CPNE4: variants seen among roughly 807,000 people sequenced by gnomAD.
CPNE4 encodes the protein copine-4.
Under a neutral mutation model 67.9 loss-of-function variants are expected in CPNE4, and 25 were observed. The ratio of observed to expected loss-of-function variants is 0.37; its 90% CI spans 0.27 to 0.51. The LOEUF is 0.51. CPNE4 is among the 20% of genes least tolerant of loss of function. The pLI is 0.93. For missense variants in CPNE4, 464 were observed against 690.8 expected, an observed-to-expected ratio of 0.67 and a Z score of 3.68; for synonymous variants, 242 against 244.9, an observed-to-expected ratio of 0.99 and a Z score of 0.11.
chr3:131,648,442 A>C (rs1404756206), intron 7 of CPNE4, among the ~76,000 whole-genome samples: 6 of 152,156 alleles, frequency 3.9e-5, no homozygotes, highest in Non-Finnish European at 1.5e-5. Context: ...TCCCCATTAC[A>C]CTTTGAATGT....
At chr3:131,953,239 T>TAAAAAA (rs1167094357) in intron 1 of CPNE4, among the ~76,000 whole-genome samples, 2 of 97,126 alleles carry the variant, frequency 2.1e-5, no homozygotes, top group South Asian at 3.7e-4. Flanking sequence ...AATGATCAAT[T>TAAAAAA]AAAAAAAAAA....
rs202119937 is a variant in CPNE4 at position 131,708,957 on chromosome 3, GATATATATATATATATATATATAT to G, written c.361-9001_361-8978del. On this transcript the variant is annotated intron_variant, in intron 3 of 15. Transcript: ENST00000429747. ...AAAAATCAGTGTCTGAGGGCATAAA[GATATATATATATATATATATATAT>G]ATATATATATATATACATACACACA... 7.3e-4 allele frequency among the ~76,000 whole-genome samples: 48 copies of G among 65,840 alleles called. 1 individual carries two copies. Among genetic ancestry groups the G allele is most frequent in the Non-Finnish European group, 1.2e-3 (38 of 31,392 alleles). 43.2% of individuals were successfully genotyped at this position (65,840 alleles called of 152,430 possible). A position where few individuals can be genotyped will look rare whatever the true frequency, so the allele number is the denominator to read the frequency against.
In CPNE4 at chr3:131,609,070, A is replaced by T. The variant is rs137897907; in HGVS notation, c.682-21488T>A. ...GTATTCAGGCTAGATCTAGCTTGTTATAAACTTTATTCTATCCTTGTACTT... is the reference window on the plus strand; with the variant it reads ...GTATTCAGGCTAGATCTAGCTTGTTTTAAACTTTATTCTATCCTTGTACTT... On this transcript the variant is annotated intron_variant, in intron 7 of 15. Coordinates refer to ENST00000429747, the MANE Select transcript of CPNE4 (RefSeq NM_130808.3). Among the ~76,000 whole-genome samples, 419 of 152,244 alleles carry T rather than the reference A, an allele frequency of 2.8e-3. 4 individuals carry two copies. Among genetic ancestry groups the T allele is most frequent in the African/African-American group, 9.5e-3 (393 of 41,558 alleles).
chr3:131,951,625 C>T (rs1290190934), intron 1 of CPNE4, among the ~76,000 whole-genome samples: 3 of 152,182 alleles, frequency 2.0e-5, no homozygotes, highest in Admixed American at 6.5e-5. Flanking sequence ...AGAAGCTGGA[C>T]TGTACTGCTG....
chr3:131,639,784 T>C (rs1358128155), intron 7 of CPNE4, among the ~76,000 whole-genome samples: 2 of 151,858 alleles, frequency 1.3e-5, no homozygotes, highest in East Asian at 1.9e-4. Context: ...CCAAATCCAA[T>C]AGCATATCAA....
chr3:131,800,003 A>AT (rs1419852012), intron 2 of CPNE4, among the ~76,000 whole-genome samples: 2 of 143,304 alleles, frequency 1.4e-5, no homozygotes, highest in African/African-American at 5.2e-5. Context: ...TTTCTTTTTA[A>AT]TTTTAGATTC....
intron 14 of CPNE4, among the ~76,000 whole-genome samples, chr3:131,543,500 C>G (rs537825170): frequency 6.6e-6 from 1 of 152,044 alleles, no homozygotes; most frequent in Non-Finnish European, 1.5e-5. Context: ...AACTTAGCAT[C>G]CAAATTGACA....
chr3:131,722,066 G>A (rs2081901263), intron 3 of CPNE4, among the ~76,000 whole-genome samples: 1 of 152,142 alleles, frequency 6.6e-6, no homozygotes, highest in Non-Finnish European at 1.5e-5. Flanking sequence ...CTGGAAAAGG[G>A]GAACAGAGGA....
chr3:131,782,474 ACACACACATG>A (rs771942729), intron 2 of CPNE4, among the ~76,000 whole-genome samples: 5 of 152,034 alleles, frequency 3.3e-5, no homozygotes, highest in Non-Finnish European at 5.9e-5. Context: ...AGTAATACAC[ACACACACATG>A]CACACACATG....
chr3:131,698,686 C>T (rs564270367), intron 4 of CPNE4, among the ~76,000 whole-genome samples: 33 of 150,188 alleles, frequency 2.2e-4, no homozygotes, highest in Admixed American at 4.6e-4. Flanking sequence ...CCGAGGGGGG[C>T]GGATCACAAG....
At chr3:131,767,820 A>C (rs1369479816) in intron 2 of CPNE4, among the ~76,000 whole-genome samples, 1 of 151,762 alleles carries the variant, frequency 6.6e-6, no homozygotes, top group Non-Finnish European at 1.5e-5. Context: ...GGAAAAACAC[A>C]TTTTGAGTGT....
intron 4 of CPNE4, among the ~76,000 whole-genome samples, chr3:131,697,958 G>A (rs35617858): frequency 0.22 from 32,732 of 151,970 alleles, 4,468 homozygotes; most frequent in South Asian, 0.31. Context: ...TGGGGCCAGG[G>A]GCAGTGGCTC....
At chr3:132,019,918 T>C (rs1221107857) in intron 1 of CPNE4, among the ~76,000 whole-genome samples, 3 of 152,180 alleles carry the variant, frequency 2.0e-5, no homozygotes, top group African/African-American at 7.2e-5. Context: ...ACAGCCTGTG[T>C]CTGCTGGGAA....
chr3:131,675,959 G>GTT (rs77543552), intron 6 of CPNE4, among the ~76,000 whole-genome samples: 8 of 147,380 alleles, frequency 5.4e-5, no homozygotes, highest in East Asian at 2.0e-4. Flanking sequence ...AATTTATTGG[G>GTT]TTTTTTTTGG....
At chr3:131,586,458 G>A (rs1252886476) in intron 8 of CPNE4, among the ~76,000 whole-genome samples, 3 of 152,208 alleles carry the variant, frequency 2.0e-5, no homozygotes, top group Non-Finnish European at 2.9e-5. Context: ...AAACTGTATA[G>A]AGCATACACC....
chr3:131,811,966 A>G (rs2084545362), intron 2 of CPNE4, among the ~76,000 whole-genome samples: 1 of 152,150 alleles, frequency 6.6e-6, no homozygotes, highest in East Asian at 1.9e-4. Context: ...GAGAAGCACT[A>G]TTGCAGGGTA....
At chr3:131,787,721 C>A (rs1416729371) in intron 2 of CPNE4, among the ~76,000 whole-genome samples, 1 of 152,168 alleles carries the variant, frequency 6.6e-6, no homozygotes, top group African/African-American at 2.4e-5. Context: ...TGTCTGCCTT[C>A]TCTCTTACTT....
intron 1 of CPNE4, among the ~76,000 whole-genome samples, chr3:131,947,225 C>T (rs980089744): frequency 2.7e-5 from 4 of 149,896 alleles, no homozygotes; most frequent in Non-Finnish European, 5.9e-5. Flanking sequence ...TTTTGTTTTC[C>T]CCTTTTTTTA....
intron 2 of CPNE4, among the ~76,000 whole-genome samples, chr3:131,860,351 G>A (rs765940983): frequency 6.6e-6 from 1 of 152,138 alleles, no homozygotes; most frequent in Non-Finnish European, 1.5e-5. Flanking sequence ...CCAAGCGGAG[G>A]AAAGGGACAA....
Sources: allele counts gnomAD v4.1 joint callset (sites outside exome capture counted in the v4.1 genomes callset), GRCh38; gene constraint gnomAD v4.1.1; transcripts MANE v1.5; gene names NCBI Gene and HGNC (gene_info 2026-07-23, HGNC 2026-07-21).